The following BNIP2 variants were observed in gnomAD, a reference collection of about 807,000 sequenced individuals.
BNIP2 encodes the protein BCL2/adenovirus E1B 19 kDa protein-interacting protein 2.
In BNIP2, 36 loss-of-function variants were observed where a neutral mutation model predicts 43.4. That is an observed-to-expected ratio of 0.83 (90% CI 0.64 to 1.10). BNIP2 has a LOEUF of 1.10. Among genes scored for constraint, BNIP2 ranks in the 50% least tolerant of loss-of-function variants. The pLI, the probability that BNIP2 is intolerant of heterozygous loss-of-function variation, is 0.00. For synonymous variants in BNIP2, 146 were observed against 121.0 expected (o/e 1.21, Z -1.35); for missense variants, 417 against 374.1 (o/e 1.11, Z -0.95).
intron 5 of BNIP2, among the ~76,000 whole-genome samples, chr15:59,676,170 AT>A (rs6151530): frequency 0.011 from 1,703 of 152,178 alleles, 33 homozygotes; most frequent in African/African-American, 0.04. Flanking sequence ...AGTTTAAAAA[AT>A]TTTTTAATTT....
At chr15:59,683,256 C>G (rs1476476853) in intron 1 of BNIP2, among the ~76,000 whole-genome samples, 1 of 152,042 alleles carries the variant, frequency 6.6e-6, no homozygotes, top group African/African-American at 2.4e-5. Context: ...AGTAAGAAAT[C>G]TAGAGATACT....
chr15:59,679,495 A>G (rs932678163), intron 4 of BNIP2, 97 bp downstream of exon 4: 94 of 1,309,556 alleles, frequency 7.2e-5, no homozygotes, highest in Admixed American at 4.9e-4. Context: ...TTCCTATCTT[A>G]GTAACAAATA....
chr15:59,680,881 C>G (rs4567650), intron 2 of BNIP2, among the ~76,000 whole-genome samples: 152,346 of 152,346 alleles, frequency 1, 76,173 homozygotes, highest in Non-Finnish European at 1. Flanking sequence ...ATAGGCGTGA[C>G]GTGCTATGCC....
At chr15:59,670,944 A>G (rs1444728888) in intron 7 of BNIP2, among the ~76,000 whole-genome samples, 1 of 152,074 alleles carries the variant, frequency 6.6e-6, no homozygotes, top group Non-Finnish European at 1.5e-5. Flanking sequence ...GTGGTGGCGC[A>G]TGCCTGTAAT....
intron 9 of BNIP2, among the ~76,000 whole-genome samples, chr15:59,667,107 C>T (rs1892613171): frequency 6.6e-6 from 1 of 152,212 alleles, no homozygotes; most frequent in South Asian, 2.1e-4. Context: ...GTGAAATCAG[C>T]ATGATCTAAA....
chr15:59,666,559 T>TG (rs1423994207), intron 9 of BNIP2, among the ~76,000 whole-genome samples: 1 of 151,938 alleles, frequency 6.6e-6, no homozygotes, highest in African/African-American at 2.4e-5. Flanking sequence ...CCCAGCTACT[T>TG]GGGGGGCTGA....
rs1383179748 is a variant in BNIP2 at position 59,671,108 on chromosome 15, C to T, written c.707+75G>A. The stretch of plus-strand genomic sequence containing the variant: ...AAAAGTTAAAAAAAAAAAATAGCAA[C>T]GAAAAACAAAGTTTGATTTCCTAAA... On this transcript the variant is annotated intron_variant, in intron 7 of 9. Transcript: ENST00000607373. 37 of 1,283,898 alleles carry T rather than the reference C, an allele frequency of 2.9e-5. 1 individual carries two copies. Among genetic ancestry groups the T allele is most frequent in the South Asian group, 9.0e-5 (5 of 55,488 alleles). The allele number at this position is 1,283,898 out of a possible 1,614,324, so 79.5% of individuals were successfully genotyped here. A position where few individuals can be genotyped will look rare whatever the true frequency, so the allele number is the denominator to read the frequency against.
At position 59,682,411 on chromosome 15, in the gene BNIP2, G is replaced by A; in HGVS notation, c.47C>T (p.Pro16Leu). The A allele has an allele frequency of 6.2e-6, 10 of 1,609,884 alleles. No homozygotes were observed. Among genetic ancestry groups the A allele is most frequent in the African/African-American group, 1.3e-5 (1 of 74,582 alleles). ...LKEEWQDEDFPIPLPEDDSIE... is the reference protein window; with the variant it reads ...LKEEWQDEDFLIPLPEDDSIE... Reference sequence around the variant, plus strand: ...TTCTTTTAAAAGCATTGCTCACATCGGAAAATCTTCATCTTGCCATTCTTC... The same window carrying A: ...TTCTTTTAAAAGCATTGCTCACATCAGAAAATCTTCATCTTGCCATTCTTC... The change falls in exon 2 of 10, where the codon CCG becomes CTG. Residue 16 changes from proline (P) to leucine (L), a missense_variant. Pro to Leu is a moderately conservative substitution (Grantham distance 98). Coordinates refer to ENST00000607373, the MANE Select transcript of BNIP2 (RefSeq NM_004330.4).
chr15:59,668,850 T>G, intron 9 of BNIP2, 42 bp downstream of exon 9: 1 of 1,510,716 alleles, frequency 6.6e-7, no homozygotes, highest in African/African-American at 1.4e-5. Flanking sequence ...CACATCAAAA[T>G]GTTAAGATCC....
chr15:59,674,344 A>T (rs1257900854), intron 5 of BNIP2, among the ~76,000 whole-genome samples: 3 of 152,136 alleles, frequency 2.0e-5, no homozygotes, highest in African/African-American at 4.8e-5. Context: ...CACAAAATAT[A>T]TTAAGTGTGG....
chr15:59,673,989 CTG>C (rs1308516187), intron 5 of BNIP2, among the ~76,000 whole-genome samples: 1 of 150,176 alleles, frequency 6.7e-6, no homozygotes, highest in East Asian at 2.0e-4. Context: ...ACTCAGGAGG[CTG>C]AGGCAGGACA....
At position 59,671,078 on chromosome 15, in the gene BNIP2, A is replaced by AC. The variant is rs1179893805; in HGVS notation, c.707+104_707+105insG. 5.9e-6 allele frequency: 7 copies of AC among 1,181,450 alleles called. No homozygotes were observed. The African/African-American group carries it at 1.1e-4, about 19-fold the overall frequency. 73.2% of individuals were successfully genotyped at this position (1,181,450 alleles called of 1,614,324 possible). On this transcript the variant is annotated intron_variant, in intron 7 of 9. Transcript: ENST00000607373. ...ACAAGAGTGAAACTCCGTCTCAAAA[A>AC]AAAAAAAAGTTAAAAAAAAAAAATA... is the stretch of plus-strand genomic sequence containing the variant.
In BNIP2 at chr15:59,659,854, T is replaced by C. The variant is rs538612579; in HGVS notation, c.*4215A>G. On this transcript the variant is annotated 3_prime_UTR_variant, in exon 10 of 10. Coordinates refer to ENST00000607373, the MANE Select transcript of BNIP2 (RefSeq NM_004330.4). ...ACTTAGTTCTCAAAACATAAATAGG[T>C]CTATTATAAATAGTTGCAACATACT... 1 of 152,322 alleles carries C rather than the reference T, an allele frequency of 6.6e-6. No individual in the cohort carries two copies. Among genetic ancestry groups the C allele is most frequent in the African/African-American group, 2.4e-5 (1 of 41,568 alleles). 9.4% of individuals were successfully genotyped at this position (152,322 alleles called of 1,614,324 possible).
At chr15:59,667,713 T>C (rs1892648089) in intron 9 of BNIP2, among the ~76,000 whole-genome samples, 2 of 152,226 alleles carry the variant, frequency 1.3e-5, no homozygotes, top group Admixed American at 6.5e-5. Flanking sequence ...TTGAGAACTT[T>C]TAAAAAGTCT....
chr15:59,682,595 G>A lies in BNIP2; in HGVS notation c.-57-81C>T, dbSNP rs954688122. On this transcript the variant is annotated intron_variant, in intron 1 of 9. Coordinates refer to ENST00000607373, the MANE Select transcript of BNIP2 (RefSeq NM_004330.4). ...AAAGGCGTAATAATCTTATATATTA[G>A]TTCATACTTGATGTTTAGTACAATG... 163 of 1,045,074 alleles carry A rather than the reference G, an allele frequency of 1.6e-4. No individual in the cohort carries two copies. In the African/African-American group the frequency reaches 2.4e-3, roughly 15 times the overall value. 64.7% of individuals were successfully genotyped at this position (1,045,074 alleles called of 1,614,324 possible). A position where few individuals can be genotyped will look rare whatever the true frequency, so the allele number is the denominator to read the frequency against.
intron 5 of BNIP2, among the ~76,000 whole-genome samples, chr15:59,675,823 T>C (rs1893247481): frequency 6.6e-6 from 1 of 152,180 alleles, no homozygotes; most frequent in African/African-American, 2.4e-5. Context: ...ACAACATGGA[T>C]GAATCTCAAA....
chr15:59,673,570 C>T (rs900383492), intron 5 of BNIP2, among the ~76,000 whole-genome samples: 2 of 152,106 alleles, frequency 1.3e-5, no homozygotes, highest in South Asian at 2.1e-4. Flanking sequence ...GGGGATACAG[C>T]GCACACAAAC....
rs1595703160 is a variant in BNIP2, at chr15:59,679,913, T to C, written c.119-145A>G. The C allele has an allele frequency of 5.3e-6, 4 of 749,638 alleles. No individual in the cohort carries two copies. In the East Asian group the frequency reaches 1.2e-4, roughly 22 times the overall value. 46.4% of individuals were successfully genotyped at this position (749,638 alleles called of 1,614,324 possible). On this transcript the variant is annotated intron_variant, in intron 3 of 9. Transcript: ENST00000607373. The stretch of plus-strand genomic sequence containing the variant: ...TCAAAGCACCTATTCACAAAATTTT[T>C]ATTCTGATCATTATTGCTTCTACAT...
chr15:59,673,567 C>T lies in BNIP2; in HGVS notation c.473-828G>A, dbSNP rs1037971857. ...ATAGCCTCCAGAGGAGCTGGGGATA[C>T]AGCGCACACAAACATGCCTGGTTAA... is the stretch of plus-strand genomic sequence containing the variant. On this transcript the variant is annotated intron_variant, in intron 5 of 9. Transcript: ENST00000607373. Among the ~76,000 whole-genome samples the T allele has an allele frequency of 3.9e-5, 6 of 152,208 alleles. 1 individual carries two copies. In the South Asian group the frequency reaches 1.0e-3, roughly 26 times the overall value.
Sources: allele counts gnomAD v4.1 joint callset (sites outside exome capture counted in the v4.1 genomes callset), GRCh38; gene constraint gnomAD v4.1.1; transcripts MANE v1.5; gene names NCBI Gene and HGNC (gene_info 2026-07-23, HGNC 2026-07-21).